Variants in STAG1 observed in about 807,000 individuals in gnomAD.
STAG1 encodes the protein cohesin subunit SA-1.
In STAG1, 26 loss-of-function variants were observed where a neutral mutation model predicts 170.9. That is an observed-to-expected ratio of 0.15 (90% CI 0.11 to 0.21). The LOEUF is 0.21. STAG1 is among the 10% of genes least tolerant of loss of function. The pLI is 1.00. For synonymous variants in STAG1, 514 were observed against 497.7 expected, an observed-to-expected ratio of 1.03 and a Z score of -0.44; for missense variants, 964 against 1,509.5, an observed-to-expected ratio of 0.64 and a Z score of 5.99.
chr3:136,468,938 G>A (rs570310095), intron 12 of STAG1, among the ~76,000 whole-genome samples: 6 of 151,942 alleles, frequency 3.9e-5, no homozygotes, highest in East Asian at 1.9e-4. Flanking sequence ...ATTCAACAAC[G>A]CTTCATGCTA....
chr3:136,429,833 T>C (rs1219979238), intron 16 of STAG1, among the ~76,000 whole-genome samples: 1 of 152,214 alleles, frequency 6.6e-6, no homozygotes, highest in Admixed American at 6.5e-5. Context: ...AAGACTTTTA[T>C]GTTGATCCAG....
intron 10 of STAG1, among the ~76,000 whole-genome samples, chr3:136,473,868 A>G (rs916693961): frequency 5.3e-5 from 8 of 152,178 alleles, no homozygotes; most frequent in African/African-American, 1.9e-4. Context: ...CCTATTTTAA[A>G]TATTTATCAA....
intron 1 of STAG1, among the ~76,000 whole-genome samples, chr3:136,708,040 T>C (rs1235262638): frequency 1.3e-5 from 2 of 152,146 alleles, no homozygotes; most frequent in Non-Finnish European, 2.9e-5. Context: ...TCTCATACAT[T>C]GCTAGTAGAA....
At chr3:136,748,712 A>C (rs1935075369) in intron 1 of STAG1, among the ~76,000 whole-genome samples, 1 of 152,108 alleles carries the variant, frequency 6.6e-6, no homozygotes, top group East Asian at 1.9e-4. Flanking sequence ...AATAATAGTA[A>C]TTTTTTTAAA....
At chr3:136,345,465 T>G (rs1030778866) in intron 29 of STAG1, among the ~76,000 whole-genome samples, 2 of 148,438 alleles carry the variant, frequency 1.3e-5, no homozygotes, top group African/African-American at 5.0e-5. Context: ...GTTTTTTTTT[T>G]TTTTTTTTTT....
intron 1 of STAG1, among the ~76,000 whole-genome samples, chr3:136,651,192 T>C (rs1941205301): frequency 6.6e-6 from 1 of 151,940 alleles, no homozygotes; most frequent in African/African-American, 2.4e-5. Flanking sequence ...CAGTGAGCTC[T>C]CGTCTCTACA....
At chr3:136,481,683 G>T (rs1373746493) in intron 9 of STAG1, among the ~76,000 whole-genome samples, 1 of 90,100 alleles carries the variant, frequency 1.1e-5, no homozygotes, top group African/African-American at 4.2e-5. Flanking sequence ...ACCTCTGGTA[G>T]AATTCGGCTG....
intron 1 of STAG1, among the ~76,000 whole-genome samples, chr3:136,680,480 A>G (rs1266981830): frequency 6.6e-6 from 1 of 152,156 alleles, no homozygotes; most frequent in Non-Finnish European, 1.5e-5. Flanking sequence ...AGTAAAATGG[A>G]GTAATACGTA....
intron 3 of STAG1, among the ~76,000 whole-genome samples, chr3:136,614,578 T>C (rs1559910547): frequency 6.6e-6 from 1 of 152,226 alleles, no homozygotes; most frequent in Admixed American, 6.5e-5. Context: ...ATAAAAATGA[T>C]GCAATCTAAT....
Position 136,457,979 on chromosome 3 carries a change from T to G in STAG1, c.1314-5832A>C, listed in dbSNP as rs1378566013. Among the ~76,000 whole-genome samples, 5 of 152,006 alleles carry G rather than the reference T, an allele frequency of 3.3e-5. No homozygotes were observed. In the South Asian group the frequency reaches 1.0e-3, roughly 32 times the overall value. On this transcript the variant is annotated intron_variant, in intron 13 of 33. Transcript: ENST00000383202. Reference sequence around the variant, plus strand: ...CAAACAAAAAAACCCCAAAACAAACTGCAACAATTGCTGAGATAAGCAAAA... The same window carrying G: ...CAAACAAAAAAACCCCAAAACAAACGGCAACAATTGCTGAGATAAGCAAAA...
chr3:136,700,349 T>C (rs901792163), intron 1 of STAG1, among the ~76,000 whole-genome samples: 3 of 151,570 alleles, frequency 2.0e-5, no homozygotes, highest in African/African-American at 7.3e-5. Flanking sequence ...TAACTAAAAG[T>C]ATTTAATCTT....
intron 22 of STAG1, among the ~76,000 whole-genome samples, chr3:136,379,461 C>A (rs1478154329): frequency 1.3e-5 from 2 of 152,198 alleles, no homozygotes; most frequent in Non-Finnish European, 2.9e-5. Flanking sequence ...GTAATCCCAG[C>A]ACTTTGGGAG....
intron 24 of STAG1, among the ~76,000 whole-genome samples, chr3:136,367,972 A>G (rs962913278): frequency 6.6e-6 from 1 of 152,024 alleles, no homozygotes; most frequent in Non-Finnish European, 1.5e-5. Flanking sequence ...GCCTGTCCTT[A>G]TTTGGAATCA....
chr3:136,422,153 C>CA (rs11312063), intron 19 of STAG1, among the ~76,000 whole-genome samples: 2,635 of 96,368 alleles, frequency 0.027, 109 homozygotes, highest in African/African-American at 0.097. Flanking sequence ...GACTCTGCCT[C>CA]AAAAAAAAAA....
At chr3:136,469,361 T>A (rs1213054168) in intron 12 of STAG1, among the ~76,000 whole-genome samples, 1 of 152,056 alleles carries the variant, frequency 6.6e-6, no homozygotes, top group East Asian at 1.9e-4. Context: ...GAGAGCCAAA[T>A]CACGAGTGAA....
At chr3:136,706,871 C>A (rs971802395) in intron 1 of STAG1, among the ~76,000 whole-genome samples, 26 of 152,056 alleles carry the variant, frequency 1.7e-4, no homozygotes, top group African/African-American at 6.3e-4. Context: ...GAAATATAGA[C>A]CAATGGAATA....
intron 1 of STAG1, among the ~76,000 whole-genome samples, chr3:136,668,277 A>G (rs1363173371): frequency 1.4e-5 from 2 of 147,168 alleles, no homozygotes; most frequent in Non-Finnish European, 3.0e-5. Context: ...TACATAATAT[A>G]TATTATACAT....
At chr3:136,467,566 T>C (rs1028635765) in intron 12 of STAG1, among the ~76,000 whole-genome samples, 2 of 152,102 alleles carry the variant, frequency 1.3e-5, no homozygotes, top group African/African-American at 4.8e-5. Context: ...AATGGGAGAC[T>C]CTGACACCCC....
chr3:136,386,501 G>A (rs2086876805), intron 22 of STAG1, among the ~76,000 whole-genome samples: 1 of 152,044 alleles, frequency 6.6e-6, no homozygotes, highest in Admixed American at 6.6e-5. Context: ...GACATCTTAG[G>A]AAGAAAAAAG....
Sources: gnomAD v4.1 joint callset for allele counts (sites outside exome capture counted in the v4.1 genomes callset) on GRCh38, gnomAD v4.1.1 for gene constraint, MANE v1.5 for transcripts, NCBI Gene and HGNC (gene_info 2026-07-23, HGNC 2026-07-21) for gene names.